Variants in TM4SF5 observed in about 807,000 individuals in gnomAD.
TM4SF5 encodes the protein transmembrane 4 L6 family member 5.
In TM4SF5, 16 loss-of-function variants were observed where a neutral mutation model predicts 22.3. The observed-to-expected ratio is 0.72, with a 90% confidence interval of 0.49 to 1.09. The LOEUF (loss-of-function observed/expected upper bound fraction) is 1.09, where lower values mean the gene tolerates loss of function less well. Among genes scored for constraint, TM4SF5 ranks in the 50% least tolerant of loss-of-function variants. TM4SF5 has a pLI of 0.00. For missense variants in TM4SF5, 249 were observed against 266.1 expected, an observed-to-expected ratio of 0.94 and a Z score of 0.45; for synonymous variants, 113 against 109.6, an observed-to-expected ratio of 1.03 and a Z score of -0.19.
intron 1 of TM4SF5, among the ~76,000 whole-genome samples, chr17:4,774,804 A>T (rs1597296972): frequency 6.6e-6 from 1 of 151,978 alleles, no homozygotes. Flanking sequence ...CTACTCAGGA[A>T]GCTGAGGCAG....
intron 1 of TM4SF5, among the ~76,000 whole-genome samples, chr17:4,776,493 G>A (rs1432206098): frequency 6.6e-6 from 1 of 151,858 alleles, no homozygotes; most frequent in Non-Finnish European, 1.5e-5. Flanking sequence ...GTAGAGACGG[G>A]GTTTCGCGAT....
At chr17:4,772,578 C>T (rs183789404) in intron 1 of TM4SF5, among the ~76,000 whole-genome samples, 4 of 152,180 alleles carry the variant, frequency 2.6e-5, no homozygotes, top group Non-Finnish European at 5.9e-5. Flanking sequence ...TTTCTGGAAG[C>T]CCAATCTGTG....
chr17:4,777,686 A>G (rs1917232772), intron 1 of TM4SF5, among the ~76,000 whole-genome samples: 1 of 152,100 alleles, frequency 6.6e-6, no homozygotes, highest in Admixed American at 6.6e-5. Context: ...GGAGTTTGAG[A>G]CCAGCCTGAC....
chr17:4,780,909 G>A (rs1263688716), intron 2 of TM4SF5, 40 bp downstream of exon 2: 2 of 1,569,368 alleles, frequency 1.3e-6, no homozygotes, highest in Admixed American at 1.7e-5. Flanking sequence ...GCTGGGGGTG[G>A]TGTCTCATGC....
chr17:4,773,828 C>T (rs1007685190), intron 1 of TM4SF5, among the ~76,000 whole-genome samples: 4 of 152,188 alleles, frequency 2.6e-5, no homozygotes, highest in African/African-American at 9.7e-5. Context: ...CCCCATCTAA[C>T]CAGCTTGCTT....
At chr17:4,783,067 G>C in intron 4 of TM4SF5, 30 bp downstream of exon 4, 1 of 1,614,108 alleles carries the variant, frequency 6.2e-7, no homozygotes, top group Admixed American at 1.7e-5. Flanking sequence ...AGTTGTAGAG[G>C]GAACCTGCCT....
Position 4,780,772 on chromosome 17 carries a change from T to C in TM4SF5, c.178-17T>C, listed in dbSNP as rs1484097670. On this transcript the variant is annotated splice_polypyrimidine_tract_variant and intron_variant, in intron 1 of 4. Transcript: ENST00000270560. ...GATCTGGGGGGACGTGCTATAACAATGACTCTTGTCCCACAGGTACTGTGT... is the reference window on the plus strand; with the variant it reads ...GATCTGGGGGGACGTGCTATAACAACGACTCTTGTCCCACAGGTACTGTGT... 1.9e-6 allele frequency: 3 copies of C among 1,602,244 alleles called. No homozygotes were observed. The highest frequency in any genetic ancestry group is 4.5e-5 in the East Asian group (2 of 44,128).
intron 1 of TM4SF5, among the ~76,000 whole-genome samples, chr17:4,773,051 C>T (rs1034349089): frequency 1.3e-5 from 2 of 151,848 alleles, no homozygotes; most frequent in Admixed American, 1.3e-4. Context: ...ATTACGGTCA[C>T]GTGCCACCAC....
At chr17:4,781,037 G>A (rs1488812549) in intron 2 of TM4SF5, among the ~76,000 whole-genome samples, 168 bp downstream of exon 2, 2 of 151,274 alleles carry the variant, frequency 1.3e-5, no homozygotes, top group East Asian at 1.9e-4. Context: ...AAAATTAGCC[G>A]GGCGTGGTGG....
chr17:4,772,238 T>C, intron 1 of TM4SF5, 139 bp downstream of exon 1: 1 of 1,069,512 alleles, frequency 9.4e-7, no homozygotes, highest in Non-Finnish European at 1.3e-6. Flanking sequence ...CTAGCAGCCC[T>C]CTGGAGTCAG....
intron 1 of TM4SF5, among the ~76,000 whole-genome samples, chr17:4,772,718 G>GTT (rs748501797): frequency 8.2e-4 from 116 of 140,668 alleles, no homozygotes; most frequent in African/African-American, 2.0e-3. Context: ...TTTGTTTTTT[G>GTT]TTTTTTTTTT....
chr17:4,777,045 A>G (rs541459009), intron 1 of TM4SF5, among the ~76,000 whole-genome samples: 2 of 152,118 alleles, frequency 1.3e-5, no homozygotes, highest in East Asian at 1.9e-4. Flanking sequence ...TAAAAATACA[A>G]AGTTAGCAGG....
chr17:4,776,172 T>C (rs1483528641), intron 1 of TM4SF5, among the ~76,000 whole-genome samples: 2 of 152,128 alleles, frequency 1.3e-5, no homozygotes, highest in Non-Finnish European at 2.9e-5. Flanking sequence ...TTTAGCTCCA[T>C]ATTACGTTTG....
intron 1 of TM4SF5, among the ~76,000 whole-genome samples, chr17:4,777,828 G>A (rs879448973): frequency 3.3e-5 from 5 of 151,994 alleles, no homozygotes; most frequent in Admixed American, 6.6e-5. Flanking sequence ...AGGTTACAGC[G>A]AGCCAAGATC....
At chr17:4,773,987 G>A (rs11871732) in intron 1 of TM4SF5, among the ~76,000 whole-genome samples, 7,532 of 152,232 alleles carry the variant, frequency 0.049, 658 homozygotes, top group African/African-American at 0.17. Context: ...AGGCCGAGGC[G>A]GGCCAATCAC....
intron 1 of TM4SF5, among the ~76,000 whole-genome samples, chr17:4,774,773 G>A (rs975356502): frequency 1.3e-5 from 2 of 152,078 alleles, no homozygotes; most frequent in African/African-American, 4.8e-5. Context: ...CAGGCGTGGT[G>A]GCGCATGCCT....
intron 1 of TM4SF5, 85 bp from the exon 2 acceptor site, chr17:4,780,704 G>T: frequency 9.1e-7 from 1 of 1,099,284 alleles, no homozygotes; most frequent in Non-Finnish European, 1.3e-6. Flanking sequence ...ATCACAGGCA[G>T]CTTCCTGAAG....
At chr17:4,782,709 G>T in intron 3 of TM4SF5, 70 bp downstream of exon 3, 2 of 1,597,168 alleles carry the variant, frequency 1.3e-6, no homozygotes, top group Non-Finnish European at 8.5e-7. Flanking sequence ...CCGTGGACTG[G>T]GACACCTGGG....
rs1449569642 is a variant in TM4SF5 at position 4,782,932 on chromosome 17, C to T, written c.474C>T (p.Leu158=). ...PPRVVPWNVT[L]FSLLVAASCL... is the part of the protein sequence containing the mutation. Reference sequence around the variant, plus strand: ...GCGTGGTCCCCTGGAATGTGACGCTCTTCTCGCTGCTGGTGGCCGCCTCCT... The same window carrying T: ...GCGTGGTCCCCTGGAATGTGACGCTTTTCTCGCTGCTGGTGGCCGCCTCCT... The change falls in exon 4 of 5, where the codon CTC becomes CTT. Residue 158 remains leucine, a synonymous_variant. Coordinates refer to ENST00000270560, the MANE Select transcript of TM4SF5 (RefSeq NM_003963.3). 1.9e-6 allele frequency: 3 copies of T among 1,614,264 alleles called. No homozygotes were observed. The highest frequency in any genetic ancestry group is 1.3e-5 in the African/African-American group (1 of 75,082).
Sources: allele counts gnomAD v4.1 joint callset (sites outside exome capture counted in the v4.1 genomes callset), GRCh38; gene constraint gnomAD v4.1.1; transcripts MANE v1.5; gene names NCBI Gene and HGNC (gene_info 2026-07-23, HGNC 2026-07-21).